DCP1A: variants seen among roughly 807,000 people sequenced by gnomAD.
DCP1A encodes the protein decapping mRNA 1A, also known as mRNA-decapping enzyme 1A.
DCP1A carries 20 observed loss-of-function variants against 58.0 expected under a neutral mutation model. That is an observed-to-expected ratio of 0.34 (90% CI 0.24 to 0.50). The LOEUF is 0.50. Among genes scored for constraint, DCP1A ranks in the 20% least tolerant of loss-of-function variants. DCP1A has a pLI of 0.98. For synonymous variants in DCP1A, 285 were observed against 275.1 expected, an observed-to-expected ratio of 1.04 and a Z score of -0.36; for missense variants, 613 against 712.2, an observed-to-expected ratio of 0.86 and a Z score of 1.59.
chr3:53,333,119 A>C (rs2089043229), intron 3 of DCP1A: 1 of 150,850 alleles, frequency 6.6e-6, no homozygotes, highest in Non-Finnish European at 1.5e-5. Flanking sequence ...CAAAATTTTC[A>C]TCACTGACAG....
chr3:53,344,972 T>C (rs782231490), intron 1 of DCP1A, 30 bp from the exon 2 acceptor site: 2 of 1,584,180 alleles, frequency 1.3e-6, no homozygotes, highest in South Asian at 2.3e-5. Flanking sequence ...AATTAGTTTT[T>C]TTTCCCCATA....
In DCP1A at chr3:53,292,125, C is replaced by T. The variant is rs782383240; in HGVS notation, c.1327G>A (p.Ala443Thr). The change falls in exon 7 of 10, where the codon GCA (alanine) becomes ACA (threonine). Residue 443 changes from alanine (A) to threonine (T), a missense_variant. Ala to Thr is a moderately conservative substitution (Grantham distance 58). Coordinates refer to ENST00000610213, the MANE Select transcript of DCP1A (RefSeq NM_018403.7). ...SFIEPPSKTA[A>T]ARVAASASLS... Reference sequence around the variant, plus strand: ...GAGGCTGAGGCCGCCACTCTTGCTGCTGCTGTCTTAGAGGGAGGCTCTATG... The same window carrying T: ...GAGGCTGAGGCCGCCACTCTTGCTGTTGCTGTCTTAGAGGGAGGCTCTATG... The T allele has an allele frequency of 8.7e-6, 14 of 1,613,910 alleles. No homozygotes were observed. The South Asian group carries it at 1.5e-4, about 18-fold the overall frequency.
chr3:53,341,185 T>C (rs538936919), intron 3 of DCP1A, among the ~76,000 whole-genome samples: 297 of 151,526 alleles, frequency 2.0e-3, no homozygotes, highest in African/African-American at 5.0e-3. Flanking sequence ...CCGGGCGTGG[T>C]GGCTCATGCC....
chr3:53,288,520 G>A (rs1338440162), intron 8 of DCP1A, among the ~76,000 whole-genome samples: 1 of 152,130 alleles, frequency 6.6e-6, no homozygotes, highest in Non-Finnish European at 1.5e-5. Flanking sequence ...AATCATTACG[G>A]GAAGCCAAGT....
intron 8 of DCP1A, among the ~76,000 whole-genome samples, chr3:53,290,117 G>T (rs1432668111): frequency 6.6e-6 from 1 of 152,058 alleles, no homozygotes; most frequent in Non-Finnish European, 1.5e-5. Flanking sequence ...AGGCTCAAAG[G>T]AAAACAGAAA....
intron 3 of DCP1A, among the ~76,000 whole-genome samples, chr3:53,341,435 C>T (rs2089200846): frequency 6.6e-6 from 1 of 152,006 alleles, no homozygotes; most frequent in South Asian, 2.1e-4. Flanking sequence ...GCCTGGGCAA[C>T]AGAGCAAGAC....
chr3:53,328,408 G>T (rs1329850926), intron 3 of DCP1A, among the ~76,000 whole-genome samples: 1 of 151,970 alleles, frequency 6.6e-6, no homozygotes, highest in Non-Finnish European at 1.5e-5. Flanking sequence ...TCCTTTGTGA[G>T]TTCTCAAAAG....
Position 53,333,639 on chromosome 3 carries a change from A to G in DCP1A, c.304+8505T>C, listed in dbSNP as rs140772387. 2.5e-3 allele frequency among the ~76,000 whole-genome samples: 361 copies of G among 143,732 alleles called. 1 individual carries two copies. The Middle Eastern group carries it at 0.029, about 12-fold the overall frequency. The allele number at this position is 143,732 out of a possible 152,430, so 94.3% of individuals were successfully genotyped here. A position where few individuals can be genotyped will look rare whatever the true frequency, so the allele number is the denominator to read the frequency against. ...GCAATAAAGCAAAACCCTAACTCTT[A>G]AAAAAAAAAAATTTGTCTGCTTTAT... On this transcript the variant is annotated intron_variant, in intron 3 of 9. Transcript: ENST00000610213.
chr3:53,317,851 A>G (rs1188536240), intron 4 of DCP1A, among the ~76,000 whole-genome samples: 1 of 152,204 alleles, frequency 6.6e-6, no homozygotes, highest in Admixed American at 6.5e-5. Flanking sequence ...CAAGTAATAA[A>G]CATGGCCCTG....
chr3:53,291,322 T>C (rs2106792196), intron 7 of DCP1A, among the ~76,000 whole-genome samples: 1 of 146,024 alleles, frequency 6.8e-6, no homozygotes, highest in African/African-American at 2.5e-5. Context: ...ATTTTTCCTT[T>C]GTGTTACAAT....
At chr3:53,304,792 C>A (rs1280012855) in intron 5 of DCP1A, among the ~76,000 whole-genome samples, 1 of 151,672 alleles carries the variant, frequency 6.6e-6, no homozygotes, top group African/African-American at 2.4e-5. Flanking sequence ...AGCATGTTGG[C>A]CAGGCTGGTC....
chr3:53,290,230 G>A (rs142019369), intron 8 of DCP1A, among the ~76,000 whole-genome samples: 44 of 152,350 alleles, frequency 2.9e-4, no homozygotes, highest in African/African-American at 9.1e-4. Context: ...AAATGGGACA[G>A]AAGACACAGG....
intron 5 of DCP1A, among the ~76,000 whole-genome samples, chr3:53,305,760 C>T (rs1707451844): frequency 1.3e-5 from 2 of 152,108 alleles, no homozygotes; most frequent in Admixed American, 6.5e-5. Context: ...ATCGATGACA[C>T]ATTTTGAGTT....
intron 3 of DCP1A, among the ~76,000 whole-genome samples, chr3:53,320,890 G>A (rs782276737): frequency 1.3e-5 from 2 of 152,250 alleles, no homozygotes; most frequent in Non-Finnish European, 2.9e-5. Context: ...ATAGAAGACT[G>A]CTGTCCATTC....
intron 6 of DCP1A, among the ~76,000 whole-genome samples, chr3:53,296,796 T>G (rs1395060461): frequency 6.6e-6 from 1 of 152,248 alleles, no homozygotes; most frequent in Non-Finnish European, 1.5e-5. Context: ...CTGGAGTTCT[T>G]GAGATGTTTC....
chr3:53,305,354 T>C (rs1438387638), intron 5 of DCP1A, among the ~76,000 whole-genome samples: 1 of 151,990 alleles, frequency 6.6e-6, no homozygotes, highest in African/African-American at 2.4e-5. Flanking sequence ...AATTTTTTTT[T>C]CTTTTTTTTT....
At chr3:53,327,905 C>A (rs1200029484) in intron 3 of DCP1A, among the ~76,000 whole-genome samples, 1 of 150,350 alleles carries the variant, frequency 6.7e-6, no homozygotes, top group East Asian at 2.0e-4. Context: ...GGTGGATCAC[C>A]TGAAGTCAGG....
chr3:53,327,106 T>C (rs1165755021), intron 3 of DCP1A, among the ~76,000 whole-genome samples: 1 of 152,094 alleles, frequency 6.6e-6, no homozygotes, highest in Non-Finnish European at 1.5e-5. Context: ...AATTCCCATT[T>C]CCTAGGCTTC....
intron 4 of DCP1A, among the ~76,000 whole-genome samples, chr3:53,318,402 G>A (rs1484305700): frequency 3.3e-5 from 5 of 152,198 alleles, no homozygotes; most frequent in African/African-American, 1.2e-4. Flanking sequence ...ATTGAAAACT[G>A]TAAGAGAGCA....
Sources: gnomAD v4.1 joint callset for allele counts (sites outside exome capture counted in the v4.1 genomes callset) on GRCh38, gnomAD v4.1.1 for gene constraint, MANE v1.5 for transcripts, NCBI Gene and HGNC (gene_info 2026-07-23, HGNC 2026-07-21) for gene names.